The following ASPHD2 variants were observed in gnomAD, a reference collection of about 807,000 sequenced individuals.
ASPHD2 encodes aspartate beta-hydroxylase domain containing 2, also known as aspartate beta-hydroxylase domain-containing protein 2.
A neutral mutation model predicts 34.6 loss-of-function variants in ASPHD2; 12 were observed. The ratio of observed to expected loss-of-function variants is 0.35; its 90% CI spans 0.22 to 0.56. The LOEUF (loss-of-function observed/expected upper bound fraction) is 0.56, where lower values mean the gene tolerates loss of function less well. Among genes scored for constraint, ASPHD2 ranks in the 20% least tolerant of loss-of-function variants. ASPHD2 has a pLI of 0.87. For missense variants in ASPHD2, 375 were observed against 505.0 expected (o/e 0.74, Z 2.47); for synonymous variants, 224 against 212.2 (o/e 1.06, Z -0.48).
intron 2 of ASPHD2, among the ~76,000 whole-genome samples, chr22:26,438,941 G>A (rs2084819113): frequency 6.6e-6 from 1 of 152,114 alleles, no homozygotes; most frequent in Admixed American, 6.5e-5. Context: ...ATTAGATTGT[G>A]CCTGCCAGAT....
At chr22:26,430,263 C>G (rs943427663) in intron 1 of ASPHD2, among the ~76,000 whole-genome samples, 5 of 152,338 alleles carry the variant, frequency 3.3e-5, no homozygotes, top group African/African-American at 1.2e-4. Context: ...TAGGCAGCCT[C>G]TGGGAATGGA....
chr22:26,430,538 A>G (rs2084750409), intron 1 of ASPHD2, among the ~76,000 whole-genome samples: 1 of 152,224 alleles, frequency 6.6e-6, no homozygotes, highest in African/African-American at 2.4e-5. Context: ...TACTGTGGTC[A>G]CTGGGCAAGG....
chr22:26,438,822 A>G (rs1289013248), intron 2 of ASPHD2, among the ~76,000 whole-genome samples: 1 of 152,038 alleles, frequency 6.6e-6, no homozygotes, highest in African/African-American at 2.4e-5. Context: ...CTGGAGTCCG[A>G]TGTTTGAGGG....
At chr22:26,439,914 G>T (rs548647395) in intron 2 of ASPHD2, among the ~76,000 whole-genome samples, 1 of 152,164 alleles carries the variant, frequency 6.6e-6, no homozygotes, top group East Asian at 1.9e-4. Flanking sequence ...CTGGTTCAAA[G>T]AATACATTAA....
rs114618444 is a variant in ASPHD2, at chr22:26,443,282, A to T, written c.*76A>T. 90 of 1,245,176 alleles carry T rather than the reference A, an allele frequency of 7.2e-5. No individual in the cohort carries two copies. In the African/African-American group the frequency reaches 7.6e-4, roughly 10 times the overall value. 77.1% of individuals were successfully genotyped at this position (1,245,176 alleles called of 1,614,324 possible). Reference sequence around the variant, plus strand: ...CAGACTGTGGTCCGGTCCAGTCCCTACCGGTGTTGTTTCCATGCTCAGAAA... The same window carrying T: ...CAGACTGTGGTCCGGTCCAGTCCCTTCCGGTGTTGTTTCCATGCTCAGAAA... On this transcript the variant is annotated 3_prime_UTR_variant, in exon 4 of 4. Transcript: ENST00000215906.
At chr22:26,440,733 G>A (rs1408108055) in intron 2 of ASPHD2, among the ~76,000 whole-genome samples, 14 of 152,300 alleles carry the variant, frequency 9.2e-5, no homozygotes, top group African/African-American at 2.4e-4. Flanking sequence ...GAGGGCAGAC[G>A]AAGAGCACGC....
intron 2 of ASPHD2, among the ~76,000 whole-genome samples, chr22:26,439,108 C>T (rs1433953484): frequency 6.6e-6 from 1 of 152,118 alleles, no homozygotes; most frequent in Non-Finnish European, 1.5e-5. Context: ...ACAAGAAAAT[C>T]AGCAATCAGG....
intron 1 of ASPHD2, among the ~76,000 whole-genome samples, chr22:26,432,032 C>T (rs1162320081): frequency 6.6e-6 from 1 of 152,176 alleles, no homozygotes; most frequent in African/African-American, 2.4e-5. Flanking sequence ...CCCATCTCTA[C>T]TAAAAATACA....
intron 2 of ASPHD2, among the ~76,000 whole-genome samples, chr22:26,440,100 T>G (rs2084826136): frequency 6.6e-6 from 1 of 152,150 alleles, no homozygotes; most frequent in Non-Finnish European, 1.5e-5. Context: ...TGGGTGGGCC[T>G]TCCTGAGAGC....
intron 1 of ASPHD2, among the ~76,000 whole-genome samples, chr22:26,430,309 C>T (rs1008677045): frequency 6.6e-6 from 1 of 152,210 alleles, no homozygotes; most frequent in Non-Finnish European, 1.5e-5. Flanking sequence ...GGCCTGACAC[C>T]GGCTCTCCCA....
chr22:26,441,555 T>C (rs2084840214), intron 2 of ASPHD2, among the ~76,000 whole-genome samples: 1 of 149,236 alleles, frequency 6.7e-6, no homozygotes, highest in Admixed American at 6.6e-5. Flanking sequence ...TTTGGGAGGC[T>C]GAGGCAAGCA....
In ASPHD2 at chr22:26,434,088, G is replaced by A; in HGVS notation, c.473G>A (p.Ser158Asn). The A allele has an allele frequency of 6.2e-7, 1 of 1,613,078 alleles. No individual in the cohort carries two copies. Among genetic ancestry groups the A allele is most frequent in the South Asian group, 1.1e-5 (1 of 91,078 alleles). Residue 158 changes from serine (S) to asparagine (N), a missense_variant, in exon 2 of 4, where the codon AGC (serine) becomes AAC (asparagine). This residue lies in a region of ASPHD2 where 223 missense variants were observed against 257.8 expected (regional missense o/e 0.87). Transcript: ENST00000215906. ...GIREQGRYLN[S>N]RPSIQKPEVF... is the part of the protein sequence containing the mutation. ...CGCGAGCAGGGCCGGTACCTCAACAGCCGGCCCTCCATCCAGAAGCCCGAG... is the reference window on the plus strand; with the variant it reads ...CGCGAGCAGGGCCGGTACCTCAACAACCGGCCCTCCATCCAGAAGCCCGAG...
At chr22:26,437,819 C>G (rs1235048762) in intron 2 of ASPHD2, among the ~76,000 whole-genome samples, 1 of 152,140 alleles carries the variant, frequency 6.6e-6, no homozygotes, top group East Asian at 1.9e-4. Flanking sequence ...CTTCCTGCCT[C>G]TTTCAGGGCT....
chr22:26,434,398 T>C lies in ASPHD2; in HGVS notation c.783T>C (p.Ile261=), dbSNP rs2084778054. 2.5e-6 allele frequency: 4 copies of C among 1,614,022 alleles called. No homozygotes were observed. Among genetic ancestry groups the C allele is most frequent in the Non-Finnish European group, 3.4e-6 (4 of 1,180,040 alleles). Residue 261 remains isoleucine, a synonymous_variant, in exon 2 of 4, where the codon ATT becomes ATC. Coordinates refer to ENST00000215906, the MANE Select transcript of ASPHD2 (RefSeq NM_020437.5). ...TGCTCGGAAGCCTTCGGACCTGTAT[T>C]GGGAACAATGTTTTTGGGAACGCGT... ...YRLLGSLRTC[I]GNNVFGNACI... is the part of the protein sequence containing the mutation.
chr22:26,430,349 A>G (rs1006479594), intron 1 of ASPHD2, among the ~76,000 whole-genome samples: 1 of 152,198 alleles, frequency 6.6e-6, no homozygotes, highest in Admixed American at 6.5e-5. Flanking sequence ...GTTGTCTTGG[A>G]TTGGACTTGC....
At chr22:26,438,453 A>G (rs1269006756) in intron 2 of ASPHD2, among the ~76,000 whole-genome samples, 1 of 106,996 alleles carries the variant, frequency 9.3e-6, no homozygotes, top group Non-Finnish European at 2.0e-5. Flanking sequence ...ATATATATAC[A>G]TATATATACA....
At chr22:26,440,370 C>T (rs970393104) in intron 2 of ASPHD2, among the ~76,000 whole-genome samples, 8 of 151,840 alleles carry the variant, frequency 5.3e-5, no homozygotes, top group Non-Finnish European at 8.8e-5. Flanking sequence ...TGGTGCGATT[C>T]GCCCAGGCTG....
rs146843278 is a variant in ASPHD2, at chr22:26,443,460, T to C, written c.*254T>C. 1.9e-4 allele frequency: 81 copies of C among 435,088 alleles called. No homozygotes were observed. The East Asian group carries it at 3.1e-3, about 17-fold the overall frequency. The allele number at this position is 435,088 out of a possible 1,614,324, so 27.0% of individuals were successfully genotyped here. On this transcript the variant is annotated 3_prime_UTR_variant, in exon 4 of 4. Coordinates refer to ENST00000215906, the MANE Select transcript of ASPHD2 (RefSeq NM_020437.5). ...TTGCTTCAGAGACTCCTTTCTGGCC[T>C]AACAGCGCATTCCTTTGATTGGTCC...
rs2084771158 is a variant in ASPHD2, at chr22:26,433,687, C to G, written c.72C>G (p.Ser24=). 6.2e-7 allele frequency: 1 copy of G among 1,614,136 alleles called. No individual in the cohort carries two copies. The highest frequency in any genetic ancestry group is 8.5e-7 in the Non-Finnish European group (1 of 1,180,028). ...LTLLHTPSKD[S]PKMSLEWLVA... is the part of the protein sequence containing the mutation. The stretch of plus-strand genomic sequence containing the variant: ...TGCTTCACACGCCCAGTAAGGACTC[C>G]CCCAAGATGTCGCTCGAGTGGCTGG... The change falls in exon 2 of 4, where the codon TCC becomes TCG. Residue 24 remains serine, a synonymous_variant. Transcript: ENST00000215906. The surrounding 1 kb of genome is among the most constrained non-coding windows in gnomAD (Gnocchi z 5.1).
Sources: gnomAD v4.1 joint callset for allele counts (sites outside exome capture counted in the v4.1 genomes callset) on GRCh38, gnomAD v4.1.1 for gene constraint, gnomAD v4.1.1 regional missense constraint, Gnocchi (gnomAD v3.1) non-coding constraint, MANE v1.5 for transcripts, NCBI Gene and HGNC (gene_info 2026-07-23, HGNC 2026-07-21) for gene names.